Variants in CHD1L observed in about 807,000 individuals in gnomAD.
CHD1L encodes chromodomain helicase DNA binding protein 1 like.
In CHD1L, 118 loss-of-function variants were observed where a neutral mutation model predicts 115.9. The ratio of observed to expected loss-of-function variants is 1.02; its 90% confidence interval spans 0.88 to 1.19. The LOEUF (loss-of-function observed/expected upper bound fraction) is 1.19. Ranked by LOEUF, CHD1L falls within the 50% of genes most tolerant of loss-of-function variation. CHD1L has a pLI of 0.00. For synonymous variants in CHD1L, 411 were observed against 387.1 expected (o/e 1.06, Z -0.72); for missense variants, 1,179 against 1,065.3 (o/e 1.11, Z -1.49).
chr1:147,209,087 C>T, the CHD1L span: 3 of 1,580,696 alleles, frequency 1.9e-6, no homozygotes, highest in South Asian at 3.4e-5. Flanking sequence ...TTTTGTCACT[C>T]AGATTCGTAA....
At chr1:147,246,682 T>C (rs1269368662) in intron 1 of CHD1L, among the ~76,000 whole-genome samples, 1 of 152,218 alleles carries the variant, frequency 6.6e-6, no homozygotes, top group Non-Finnish European at 1.5e-5. Flanking sequence ...TTTGATAAAA[T>C]GTCTTTTTCT....
In CHD1L at chr1:147,284,331, T is replaced by C; in HGVS notation, c.1706-20T>C. On this transcript the variant is annotated intron_variant, in intron 15 of 22. Coordinates refer to ENST00000369258, the MANE Select transcript of CHD1L (RefSeq NM_004284.6). The stretch of plus-strand genomic sequence containing the variant: ...TTCCTTGGTATCTAACATTTCTCTC[T>C]TTGTGTTTTATGTTGTTAGAAAATC... 6.5e-7 allele frequency: 1 copy of C among 1,533,590 alleles called. No individual in the cohort carries two copies. The highest frequency in any genetic ancestry group is 2.3e-5 in the East Asian group (1 of 43,644). 95.0% of individuals were successfully genotyped at this position (1,533,590 alleles called of 1,614,324 possible).
At chr1:147,233,203 T>G in the CHD1L span, among the ~76,000 whole-genome samples, 1 of 147,514 alleles carries the variant, frequency 6.8e-6, no homozygotes, top group South Asian at 2.1e-4. Flanking sequence ...GTCTGAGAAG[T>G]GAGGAGACCC....
At chr1:147,235,793 C>T in the CHD1L span, among the ~76,000 whole-genome samples, 1 of 152,200 alleles carries the variant, frequency 6.6e-6, no homozygotes, top group South Asian at 2.1e-4. Context: ...ATTTTGGCTT[C>T]CTATGGTATA....
intron 15 of CHD1L, among the ~76,000 whole-genome samples, chr1:147,281,948 G>A (rs1281517912): frequency 6.6e-6 from 1 of 152,160 alleles, no homozygotes; most frequent in Non-Finnish European, 1.5e-5. Context: ...TTTGTGGTGA[G>A]AACACTTAAC....
Position 147,252,749 on chromosome 1 carries a change from C to G in CHD1L, c.240+14C>G, listed in dbSNP as rs143313938. Reference sequence around the variant, plus strand: ...AAGACCTGCCAGGTGTGTTACTATGCGACGAGTACTGCTCACCGCCACTGC... The same window carrying G: ...AAGACCTGCCAGGTGTGTTACTATGGGACGAGTACTGCTCACCGCCACTGC... On this transcript the variant is annotated intron_variant, in intron 2 of 22. Coordinates refer to ENST00000369258, the MANE Select transcript of CHD1L (RefSeq NM_004284.6). 6.4e-6 allele frequency: 10 copies of G among 1,574,282 alleles called. No individual in the cohort carries two copies. Among genetic ancestry groups the G allele is most frequent in the South Asian group, 3.3e-5 (3 of 90,088 alleles).
the CHD1L span, chr1:147,212,612 T>C: frequency 1.0e-5 from 14 of 1,382,218 alleles, no homozygotes; most frequent in Admixed American, 2.7e-4. Context: ...TTGTTTTTTT[T>C]GCAGACTTAA....
chr1:147,254,378 A>G (rs868946441), intron 2 of CHD1L, among the ~76,000 whole-genome samples: 21 of 152,254 alleles, frequency 1.4e-4, no homozygotes, highest in African/African-American at 4.6e-4. Context: ...ATATGGAAGA[A>G]AGGAAGACAG....
At chr1:147,293,825 C>A (rs1469895638) in intron 21 of CHD1L, 103 bp downstream of exon 21, 13 of 920,260 alleles carry the variant, frequency 1.4e-5, no homozygotes, top group African/African-American at 6.5e-5. Context: ...ACTTAATATG[C>A]ACGGTAAAGG....
At chr1:147,198,633 G>A in the CHD1L span, among the ~76,000 whole-genome samples, 6 of 151,968 alleles carry the variant, frequency 3.9e-5, no homozygotes, top group South Asian at 4.2e-4. Flanking sequence ...GGCGGATCAC[G>A]AGGTCAAGAG....
chr1:147,293,771 A>G, intron 21 of CHD1L, 49 bp downstream of exon 21: 1 of 1,457,012 alleles, frequency 6.9e-7, no homozygotes, highest in Non-Finnish European at 9.6e-7. Context: ...GTTTCTAGGC[A>G]TGTGATACGA....
At chr1:147,215,730 A>G in the CHD1L span, 1 of 1,542,718 alleles carries the variant, frequency 6.5e-7, no homozygotes, top group Non-Finnish European at 8.8e-7. Context: ...CTTCAAACAC[A>G]AAGATACCCA....
At chr1:147,213,408 G>A in the CHD1L span, 1 of 1,613,570 alleles carries the variant, frequency 6.2e-7, no homozygotes, top group South Asian at 1.1e-5. Flanking sequence ...CAGATTCAGT[G>A]ACCACTTCCC....
At chr1:147,186,000 T>C in the CHD1L span, among the ~76,000 whole-genome samples, 1 of 152,166 alleles carries the variant, frequency 6.6e-6, no homozygotes, top group South Asian at 2.1e-4. Context: ...AATACTTACT[T>C]AGACTCCATG....
chr1:147,290,386 G>C (rs1029856053), intron 19 of CHD1L, among the ~76,000 whole-genome samples: 2 of 152,142 alleles, frequency 1.3e-5, no homozygotes, highest in African/African-American at 4.8e-5. Flanking sequence ...CACCCAGCCT[G>C]AGGTTTTTAA....
At chr1:147,286,538 G>C in intron 18 of CHD1L, 38 bp downstream of exon 18, 3 of 1,594,012 alleles carry the variant, frequency 1.9e-6, no homozygotes, top group Non-Finnish European at 2.6e-6. Context: ...GGGGGCCTCA[G>C]TCCTTATGGT....
chr1:147,287,656 G>C lies in CHD1L; in HGVS notation c.2243G>C (p.Arg748Thr). 1 of 1,614,018 alleles carries C rather than the reference G, an allele frequency of 6.2e-7. No homozygotes were observed. Among genetic ancestry groups the C allele is most frequent in the Non-Finnish European group, 8.5e-7 (1 of 1,179,980 alleles). Residue 748 changes from arginine (R) to threonine (T), a missense_variant, in exon 19 of 23, where the codon AGA becomes ACA. By Grantham distance (71) the Arg-to-Thr change is moderately conservative (BLOSUM62 -1). Transcript: ENST00000369258. ...HCVDDSGHWG[R>T]GGLFTALEKR... The stretch of plus-strand genomic sequence containing the variant: ...ACAGATGACTCTGGCCACTGGGGCA[G>C]AGGTGGTTTATTTACAGCTCTGGAA...
the CHD1L span, chr1:147,203,827 ATC>A: frequency 1.3e-6 from 2 of 1,562,016 alleles, no homozygotes; most frequent in African/African-American, 2.7e-5. Flanking sequence ...AAATGATGCC[ATC>A]TTCCTTTTCA....
the CHD1L span, among the ~76,000 whole-genome samples, chr1:147,182,632 C>T: frequency 6.6e-6 from 1 of 152,064 alleles, no homozygotes; most frequent in Non-Finnish European, 1.5e-5. Flanking sequence ...TATAGCGAGG[C>T]AGAGAGCTTG....
Sources: gnomAD v4.1 joint callset for allele counts (sites outside exome capture counted in the v4.1 genomes callset) on GRCh38, gnomAD v4.1.1 for gene constraint, MANE v1.5 for transcripts, NCBI Gene and HGNC (gene_info 2026-07-23, HGNC 2026-07-21) for gene names.